BRAF: variants seen among roughly 807,000 people sequenced by gnomAD.
BRAF encodes the protein serine/threonine-protein kinase B-raf.
Under a neutral mutation model 104.6 loss-of-function variants are expected in BRAF, and 16 were observed. The observed-to-expected ratio is 0.15, with a 90% confidence interval of 0.10 to 0.23. The LOEUF (loss-of-function observed/expected upper bound fraction) is 0.23, where lower values mean the gene tolerates loss of function less well. BRAF is among the 10% of genes least tolerant of loss of function. The pLI is 1.00. For synonymous variants in BRAF, 310 were observed against 341.6 expected (o/e 0.91, Z 1.02); for missense variants, 541 against 937.3 (o/e 0.58, Z 5.52).
At chr7:140,919,195 G>A (rs1329961571) in intron 1 of BRAF, among the ~76,000 whole-genome samples, 2 of 150,832 alleles carry the variant, frequency 1.3e-5, no homozygotes, top group Admixed American at 6.6e-5. Flanking sequence ...GAATGTTTTC[G>A]AAAAATTCTC....
chr7:140,753,934 TAAGCAAGCA>T, intron 15 of BRAF: 1 of 542,248 alleles, frequency 1.8e-6, no homozygotes, highest in Non-Finnish European at 3.3e-6. Flanking sequence ...TGATAAAATG[TAAGCAAGCA>T]ATCAAAAACT....
At chr7:140,796,513 T>A (rs1802512547) in intron 7 of BRAF, among the ~76,000 whole-genome samples, 1 of 152,040 alleles carries the variant, frequency 6.6e-6, no homozygotes, top group South Asian at 2.1e-4. Context: ...AGATAACAAA[T>A]CAGAGTTAAG....
chr7:140,852,550 T>C (rs1052963149), intron 1 of BRAF, among the ~76,000 whole-genome samples: 1 of 152,184 alleles, frequency 6.6e-6, no homozygotes, highest in African/African-American at 2.4e-5. Flanking sequence ...CAGTCAGGTA[T>C]TTCAATGTTT....
At chr7:140,759,641 C>G (rs1468354830) in intron 14 of BRAF, among the ~76,000 whole-genome samples, 2 of 152,220 alleles carry the variant, frequency 1.3e-5, no homozygotes, top group African/African-American at 4.8e-5. Flanking sequence ...CTGCCTTGGC[C>G]TCCCAAACTG....
chr7:140,737,841 C>T (rs1444455785), intron 18 of BRAF, among the ~76,000 whole-genome samples: 1 of 152,118 alleles, frequency 6.6e-6, no homozygotes, highest in Non-Finnish European at 1.5e-5. Context: ...GGATAGCCTC[C>T]AATAATCTGG....
At chr7:140,781,501 TA>T (rs897851569) in intron 12 of BRAF, 74 bp downstream of exon 11, 27 of 1,320,814 alleles carry the variant, frequency 2.0e-5, no homozygotes, top group Admixed American at 1.2e-4. Flanking sequence ...CCTTTGATGA[TA>T]TTTTTTACAA....
chr7:140,886,235 TATC>T (rs762797106), intron 1 of BRAF, among the ~76,000 whole-genome samples: 2 of 152,216 alleles, frequency 1.3e-5, no homozygotes, highest in Non-Finnish European at 2.9e-5. Flanking sequence ...TAGTCAAAAT[TATC>T]ATCCTTTCTC....
At position 140,726,233 on chromosome 7, in the gene BRAF, C is replaced by T. The variant is rs1463102351; in HGVS notation, c.*261G>A. On this transcript the variant is annotated 3_prime_UTR_variant, in exon 20 of 20. Coordinates refer to ENST00000644969, the MANE Select transcript of BRAF (RefSeq NM_001374258.1). Reference sequence around the variant, plus strand: ...AAAAGGTCAGAATTCAGGGTCTCTCCTCTTTCTTCCTGGGACTGGGCAGAC... The same window carrying T: ...AAAAGGTCAGAATTCAGGGTCTCTCTTCTTTCTTCCTGGGACTGGGCAGAC... The T allele has an allele frequency of 1.5e-6, 2 of 1,305,316 alleles. No individual in the cohort carries two copies. Among genetic ancestry groups the T allele is most frequent in the African/African-American group, 1.5e-5 (1 of 66,036 alleles). 80.9% of individuals were successfully genotyped at this position (1,305,316 alleles called of 1,614,324 possible).
At chr7:140,786,262 T>C (rs1255776790) in intron 9 of BRAF, among the ~76,000 whole-genome samples, 1 of 152,232 alleles carries the variant, frequency 6.6e-6, no homozygotes. Context: ...ATTATTATTT[T>C]GGTTGCTTCA....
chr7:140,898,158 C>T (rs1815177885), intron 1 of BRAF, among the ~76,000 whole-genome samples: 1 of 152,090 alleles, frequency 6.6e-6, no homozygotes, highest in Non-Finnish European at 1.5e-5. Flanking sequence ...CACTACTGCA[C>T]TCCAGCCTGG....
intron 4 of BRAF, among the ~76,000 whole-genome samples, chr7:140,808,509 A>C (rs1257930986): frequency 6.6e-6 from 1 of 151,878 alleles, no homozygotes; most frequent in African/African-American, 2.4e-5. Context: ...AATGTTAGAC[A>C]CTTTCTGAAA....
intron 1 of BRAF, among the ~76,000 whole-genome samples, chr7:140,853,982 T>G (rs1809491715): frequency 6.6e-6 from 1 of 152,296 alleles, no homozygotes; most frequent in African/African-American, 2.4e-5. Flanking sequence ...AAATGAATAC[T>G]TTATTTATTT....
rs1012875525 is a variant in BRAF at position 140,838,795 on chromosome 7, C to G, written c.241-3923G>C. ...TAGAACAGAATAGAACAAGGTACAACTAGTAAATCCATAAAGGCAAAAAGT... is the reference window on the plus strand; with the variant it reads ...TAGAACAGAATAGAACAAGGTACAAGTAGTAAATCCATAAAGGCAAAAAGT... On this transcript the variant is annotated intron_variant, in intron 2 of 19. Coordinates refer to ENST00000644969, the MANE Select transcript of BRAF (RefSeq NM_001374258.1). Among the ~76,000 whole-genome samples, 7 of 152,110 alleles carry G rather than the reference C, an allele frequency of 4.6e-5. No homozygotes were observed. In the South Asian group the frequency reaches 6.2e-4, roughly 13 times the overall value.
chr7:140,765,141 G>A (rs1338533373), intron 14 of BRAF, among the ~76,000 whole-genome samples: 4 of 152,030 alleles, frequency 2.6e-5, no homozygotes, highest in Non-Finnish European at 4.4e-5. Flanking sequence ...CAGAAATAAC[G>A]CCACATATCT....
downstream of BRAF, among the ~76,000 whole-genome samples, chr7:140,715,550 C>A (rs972818526): frequency 2.4e-4 from 36 of 152,268 alleles, no homozygotes; most frequent in South Asian, 4.1e-3. Flanking sequence ...CCTTAGAAAT[C>A]AGTTGCTTGA....
chr7:140,735,429 G>A (rs377256971), intron 18 of BRAF, among the ~76,000 whole-genome samples: 7 of 152,200 alleles, frequency 4.6e-5, no homozygotes, highest in South Asian at 4.1e-4. Context: ...AAGGCATACA[G>A]CATGATAATG....
chr7:140,808,218 AAATT>A lies in BRAF; in HGVS notation c.609-160_609-157del, dbSNP rs969239134. 3 of 689,622 alleles carry A rather than the reference AAATT, an allele frequency of 4.4e-6. No individual in the cohort carries two copies. The African/African-American group carries it at 5.3e-5, about 12-fold the overall frequency. 42.7% of individuals were successfully genotyped at this position (689,622 alleles called of 1,614,324 possible). On this transcript the variant is annotated intron_variant, in intron 4 of 19. Transcript: ENST00000644969. ...CATCGTTAGAAATTTAAATGGCAAT[AAATT>A]AATTTTAAGTTTACCCCAAATAAAT...
intron 19 of BRAF, among the ~76,000 whole-genome samples, chr7:140,729,470 C>T (rs1191749311): frequency 1.3e-5 from 2 of 151,716 alleles, no homozygotes; most frequent in African/African-American, 4.8e-5. Flanking sequence ...CATGGCGAAA[C>T]TCTCTCTCTA....
intron 1 of BRAF, among the ~76,000 whole-genome samples, chr7:140,860,669 T>C (rs1373300281): frequency 6.6e-6 from 1 of 151,862 alleles, no homozygotes; most frequent in Admixed American, 6.6e-5. Context: ...CATACATACA[T>C]ATGAAAAATC....
Sources: allele counts gnomAD v4.1 joint callset (sites outside exome capture counted in the v4.1 genomes callset), GRCh38; gene constraint gnomAD v4.1.1; transcripts MANE v1.5; gene names NCBI Gene and HGNC (gene_info 2026-07-23, HGNC 2026-07-21).